The following AGBL1 variants were observed in gnomAD, a reference collection of about 807,000 sequenced individuals.
The protein encoded by AGBL1 is AGBL carboxypeptidase 1, also known as cytosolic carboxypeptidase 4.
A neutral mutation model predicts 118.9 loss-of-function variants in AGBL1; 130 were observed. The observed-to-expected ratio is 1.09, with a 90% confidence interval of 0.95 to 1.26. The LOEUF is 1.26. AGBL1 is among the 50% of genes most tolerant of loss of function. AGBL1 has a pLI of 0.00. For missense variants in AGBL1, 1,584 were observed against 1,298.1 expected (o/e 1.22, Z -3.38); for synonymous variants, 555 against 478.9 (o/e 1.16, Z -2.08).
intron 17 of AGBL1, among the ~76,000 whole-genome samples, chr15:86,299,470 G>A (rs1035479900): frequency 6.6e-6 from 1 of 152,108 alleles, no homozygotes; most frequent in Non-Finnish European, 1.5e-5. Context: ...GCCAGGCAGG[G>A]CATTTGGGTT....
intron 17 of AGBL1, chr15:86,317,283 T>C (rs1281954644): frequency 6.6e-6 from 1 of 151,938 alleles, no homozygotes; most frequent in Non-Finnish European, 1.5e-5. Flanking sequence ...TGACTTGAGG[T>C]GGGAATTAGG....
chr15:86,322,913 C>G (rs571579923), intron 17 of AGBL1, among the ~76,000 whole-genome samples: 1 of 152,104 alleles, frequency 6.6e-6, no homozygotes, highest in Non-Finnish European at 1.5e-5. Context: ...TTTTGTATTA[C>G]GTTTGTGGCT....
intron 22 of AGBL1, among the ~76,000 whole-genome samples, chr15:86,761,600 C>T (rs2078024953): frequency 6.6e-6 from 1 of 152,030 alleles, no homozygotes; most frequent in African/African-American, 2.4e-5. Flanking sequence ...TCCCTGATAT[C>T]TCAACTGCAA....
chr15:86,735,712 T>C (rs917413202), intron 22 of AGBL1, among the ~76,000 whole-genome samples: 1 of 151,318 alleles, frequency 6.6e-6, no homozygotes, highest in Non-Finnish European at 1.5e-5. Flanking sequence ...CTTTCAAATA[T>C]CTTATTTTGT....
intron 23 of AGBL1, chr15:86,935,268 T>G (rs1310806218): frequency 6.6e-6 from 1 of 152,226 alleles, no homozygotes; most frequent in Non-Finnish European, 1.5e-5. Flanking sequence ...ACCATTTACT[T>G]GGCAAAGAGG....
chr15:86,226,711 A>C (rs1157926614), intron 6 of AGBL1, among the ~76,000 whole-genome samples: 1 of 152,140 alleles, frequency 6.6e-6, no homozygotes, highest in African/African-American at 2.4e-5. Context: ...TAGTAGGCTG[A>C]GTGTGCAGTG....
At chr15:86,898,411 T>C (rs912572727) in intron 22 of AGBL1, among the ~76,000 whole-genome samples, 2 of 152,198 alleles carry the variant, frequency 1.3e-5, no homozygotes, top group Non-Finnish European at 2.9e-5. Context: ...CCAGCTTCAA[T>C]CTGCTGCATA....
In AGBL1 at chr15:86,487,059, C is replaced by T. The variant is rs117344972; in HGVS notation, c.2556-35751C>T. ...TAAAACTGGCCAGGATCTGTAGCTG[C>T]CCAATATTCTCAGGTTCTAACCATC... On this transcript the variant is annotated intron_variant, in intron 18 of 22. Coordinates refer to ENST00000614907, the MANE Select transcript of AGBL1 (RefSeq NM_001386094.1). 3.8e-3 allele frequency among the ~76,000 whole-genome samples: 581 copies of T among 152,200 alleles called. 2 individuals carry two copies. The highest frequency in any genetic ancestry group is 5.7e-3 in the Non-Finnish European group (386 of 67,996).
chr15:86,519,147 C>G (rs1189429236), intron 18 of AGBL1, among the ~76,000 whole-genome samples: 1 of 152,070 alleles, frequency 6.6e-6, no homozygotes, highest in Non-Finnish European at 1.5e-5. Context: ...CACCCACCTC[C>G]ATGGATATCA....
chr15:86,777,488 T>C (rs1251542739), intron 22 of AGBL1, among the ~76,000 whole-genome samples: 6 of 152,092 alleles, frequency 3.9e-5, no homozygotes, highest in Non-Finnish European at 8.8e-5. Context: ...CCATAGGAAG[T>C]TTAGAATCTG....
At chr15:86,638,515 G>T (rs886900157) in intron 21 of AGBL1, among the ~76,000 whole-genome samples, 3 of 152,100 alleles carry the variant, frequency 2.0e-5, no homozygotes, top group African/African-American at 4.8e-5. Context: ...CAGTTGCTCT[G>T]GTGGGGTCTT....
chr15:86,728,930 TTG>T (rs1193799433), intron 22 of AGBL1, among the ~76,000 whole-genome samples: 1 of 152,212 alleles, frequency 6.6e-6, no homozygotes, highest in Non-Finnish European at 1.5e-5. Flanking sequence ...GGCAGGGATT[TTG>T]TGTGTTTTAT....
intron 18 of AGBL1, among the ~76,000 whole-genome samples, chr15:86,518,285 T>G (rs185450442): frequency 6.6e-6 from 1 of 152,194 alleles, no homozygotes; most frequent in East Asian, 1.9e-4. Flanking sequence ...GTTACTTGTT[T>G]CCCAACCTCT....
At chr15:86,239,192 C>A (rs191039583) in intron 6 of AGBL1, among the ~76,000 whole-genome samples, 2 of 152,090 alleles carry the variant, frequency 1.3e-5, no homozygotes, top group African/African-American at 4.8e-5. Flanking sequence ...TTACCTGTCC[C>A]GGTTTCTGGA....
At chr15:86,098,789 T>C (rs894202071) in intron 1 of AGBL1, among the ~76,000 whole-genome samples, 5 of 152,108 alleles carry the variant, frequency 3.3e-5, no homozygotes, top group Non-Finnish European at 7.4e-5. Flanking sequence ...TTGCTTTGAC[T>C]CTTCAAGCTC....
At chr15:86,643,485 T>C (rs564085348) in intron 21 of AGBL1, among the ~76,000 whole-genome samples, 1 of 152,294 alleles carries the variant, frequency 6.6e-6, no homozygotes, top group South Asian at 2.1e-4. Flanking sequence ...TAATTTGACT[T>C]AAGTACTTTG....
At chr15:86,512,127 CA>C (rs2083059364) in intron 18 of AGBL1, among the ~76,000 whole-genome samples, 1 of 151,890 alleles carries the variant, frequency 6.6e-6, no homozygotes, top group Non-Finnish European at 1.5e-5. Flanking sequence ...CAGAGGTACA[CA>C]AAACACTATC....
intron 22 of AGBL1, among the ~76,000 whole-genome samples, chr15:86,688,263 G>A (rs561429515): frequency 9.5e-4 from 145 of 152,000 alleles, no homozygotes; most frequent in African/African-American, 3.3e-3. Flanking sequence ...CTGAGAAAGA[G>A]GAGGAGGAGA....
At chr15:87,015,685 T>A (rs1417749772) in intron 24 of AGBL1, among the ~76,000 whole-genome samples, 1 of 152,216 alleles carries the variant, frequency 6.6e-6, no homozygotes, top group East Asian at 1.9e-4. Flanking sequence ...TTTCCCATAG[T>A]TGATTATTCT....
Sources: gnomAD v4.1 joint callset for allele counts (sites outside exome capture counted in the v4.1 genomes callset) on GRCh38, gnomAD v4.1.1 for gene constraint, MANE v1.5 for transcripts, NCBI Gene and HGNC (gene_info 2026-07-23, HGNC 2026-07-21) for gene names.